Variants in EIF3B observed in about 807,000 individuals in gnomAD.
EIF3B encodes the protein eukaryotic translation initiation factor 3 subunit 9.
A neutral mutation model predicts 104.6 loss-of-function variants in EIF3B; 10 were observed. The observed-to-expected ratio is 0.10, with a 90% CI of 0.06 to 0.16. The LOEUF (loss-of-function observed/expected upper bound fraction) is 0.16, where lower values mean the gene tolerates loss of function less well. Ranked by LOEUF, EIF3B falls within the 10% of genes least tolerant of loss-of-function variation. The pLI, the probability that EIF3B is intolerant of heterozygous loss-of-function variation, is 1.00. For missense variants in EIF3B, 1,014 were observed against 1,087.9 expected (o/e 0.93, Z 0.96); for synonymous variants, 542 against 417.2 (o/e 1.30, Z -3.65).
At chr7:2,375,667 T>C (rs895958512) in intron 14 of EIF3B, 140 bp downstream of exon 14, 4 of 1,279,672 alleles carry the variant, frequency 3.1e-6, no homozygotes, top group African/African-American at 1.5e-5. Context: ...CTGGTGTTAG[T>C]GGCAGGAGGA....
At chr7:2,365,109 CAT>C (rs1444130725) in intron 6 of EIF3B, among the ~76,000 whole-genome samples, 2 of 152,244 alleles carry the variant, frequency 1.3e-5, no homozygotes, top group African/African-American at 4.8e-5. Flanking sequence ...CACGCCATGA[CAT>C]ATGGCTAATT....
chr7:2,366,243 G>A, intron 6 of EIF3B, 74 bp from the exon 7 acceptor site: 1 of 1,483,572 alleles, frequency 6.7e-7, no homozygotes, highest in South Asian at 1.4e-5. Flanking sequence ...CTGACGGCGT[G>A]TTCTGGCCGC....
At position 2,380,359 on chromosome 7, in the gene EIF3B, C is replaced by A. The variant is rs530959610; in HGVS notation, c.*170C>A. ...CGCCTCCTCCCTGTGCTCTCTGGCT[C>A]TGGACTGTGACTGCGCCTGGATTCT... On this transcript the variant is annotated 3_prime_UTR_variant, in exon 19 of 19. Coordinates refer to ENST00000360876, the MANE Select transcript of EIF3B (RefSeq NM_001037283.2). 1 of 518,900 alleles carries A rather than the reference C, an allele frequency of 1.9e-6. No individual in the cohort carries two copies. The highest frequency in any genetic ancestry group is 1.4e-5 in the South Asian group (1 of 71,570). The allele number at this position is 518,900 out of a possible 1,614,324, so 32.1% of individuals were successfully genotyped here.
rs1478570475 is a variant in EIF3B at position 2,355,084 on chromosome 7, G to C, written c.163G>C (p.Val55Leu). The change falls in exon 1 of 19, where the codon GTG becomes CTG. Residue 55 changes from valine (V) to leucine (L), a missense_variant. Coordinates refer to ENST00000360876, the MANE Select transcript of EIF3B (RefSeq NM_001037283.2). ...AAGTEASSEE[V>L]GIAEAGPESE... ...GGGGACCGAGGCCTCCAGTGAGGAG[G>C]TGGGGATCGCGGAGGCCGGGCCGGA... 1 of 1,330,358 alleles carries C rather than the reference G, an allele frequency of 7.5e-7. No homozygotes were observed. The allele number at this position is 1,330,358 out of a possible 1,614,324, so 82.4% of individuals were successfully genotyped here. A position where few individuals can be genotyped will look rare whatever the true frequency, so the allele number is the denominator to read the frequency against.
At chr7:2,379,363 C>T (rs371370858) in intron 17 of EIF3B, 31 bp from the exon 18 acceptor site, 30 of 1,563,874 alleles carry the variant, frequency 1.9e-5, no homozygotes, top group Non-Finnish European at 2.5e-5. Flanking sequence ...CATGTGCCCC[C>T]ATGGGTGATC....
Position 2,380,287 on chromosome 7 carries a change from T to C in EIF3B, c.*98T>C, listed in dbSNP as rs1228404400. ...CGGTTCCTCTGTTGCAGCGCAGCCGTGTGTGCTGTGGAGCCGAGGCCGTCC... is the reference window on the plus strand; with the variant it reads ...CGGTTCCTCTGTTGCAGCGCAGCCGCGTGTGCTGTGGAGCCGAGGCCGTCC... On this transcript the variant is annotated 3_prime_UTR_variant, in exon 19 of 19. Coordinates refer to ENST00000360876, the MANE Select transcript of EIF3B (RefSeq NM_001037283.2). 5 of 512,154 alleles carry C rather than the reference T, an allele frequency of 9.8e-6. No individual in the cohort carries two copies. Among genetic ancestry groups the C allele is most frequent in the South Asian group, 7.1e-5 (5 of 70,430 alleles). 31.7% of individuals were successfully genotyped at this position (512,154 alleles called of 1,614,324 possible). A position where few individuals can be genotyped will look rare whatever the true frequency, so the allele number is the denominator to read the frequency against.
At chr7:2,356,895 A>C (rs1779476795) in intron 1 of EIF3B, among the ~76,000 whole-genome samples, 1 of 152,162 alleles carries the variant, frequency 6.6e-6, no homozygotes, top group Non-Finnish European at 1.5e-5. Flanking sequence ...AAAAGCAGGA[A>C]GGACACCACA....
At chr7:2,370,496 T>C (rs1163421710) in intron 10 of EIF3B, among the ~76,000 whole-genome samples, 1 of 152,018 alleles carries the variant, frequency 6.6e-6, no homozygotes, top group Non-Finnish European at 1.5e-5. Flanking sequence ...AAAAAGAAAT[T>C]CCTGAGTTTT....
At chr7:2,367,824 AATTTT>A (rs1780110359) in intron 9 of EIF3B, among the ~76,000 whole-genome samples, 10 of 101,758 alleles carry the variant, frequency 9.8e-5, no homozygotes, top group African/African-American at 4.1e-4. Context: ...CTTTTTTTAA[AATTTT>A]TTTTTTTTTT....
chr7:2,354,248 C>G (rs1446229369), upstream of EIF3B: 1 of 152,286 alleles, frequency 6.6e-6, no homozygotes, highest in Non-Finnish European at 1.5e-5. Context: ...AGGCAGTCGT[C>G]CTTCTAGTCG....
At chr7:2,354,569 G>A (rs1339712889), upstream of EIF3B, among the ~76,000 whole-genome samples, 1 of 152,170 alleles carries the variant, frequency 6.6e-6, no homozygotes, top group African/African-American at 2.4e-5. Context: ...GACGGGAAAG[G>A]AAAGGGGGAG....
In EIF3B at chr7:2,376,556, C is replaced by T. The variant is rs376817927; in HGVS notation, c.2029-394C>T. ...CACAGGGCTCCGCACAGCTCACACC[C>T]GGCCCAGGGCTCAGCAGTGAGTAGT... On this transcript the variant is annotated intron_variant, in intron 14 of 18. Coordinates refer to ENST00000360876, the MANE Select transcript of EIF3B (RefSeq NM_001037283.2). The T allele has an allele frequency of 2.0e-4, 34 of 169,472 alleles. 1 individual carries two copies. Among genetic ancestry groups the T allele is most frequent in the East Asian group, 1.2e-3 (7 of 5,670 alleles). The allele number at this position is 169,472 out of a possible 1,614,324, so 10.5% of individuals were successfully genotyped here.
chr7:2,368,766 G>T (rs888395711), intron 9 of EIF3B, among the ~76,000 whole-genome samples: 5 of 152,226 alleles, frequency 3.3e-5, no homozygotes, highest in African/African-American at 1.2e-4. Flanking sequence ...GCAAAGAATG[G>T]GCACGTTTTT....
rs1188843816 is a variant in EIF3B at position 2,355,368 on chromosome 7, C to G, written c.447C>G (p.Asp149Glu). The change falls in exon 1 of 19, where the codon GAC (aspartate) becomes GAG (glutamate). Residue 149 changes from aspartate to glutamate, a missense_variant. Physicochemically the swap from Asp to Glu is conservative, Grantham distance 45. Transcript: ENST00000360876. ...EPRALENGDA[D>E]EPSFSDPEDF... Reference sequence around the variant, plus strand: ...GGGCGCTGGAGAACGGCGACGCGGACGAGCCCTCCTTCAGCGACCCCGAGG... The same window carrying G: ...GGGCGCTGGAGAACGGCGACGCGGAGGAGCCCTCCTTCAGCGACCCCGAGG... 1.3e-6 allele frequency: 2 copies of G among 1,536,036 alleles called. No individual in the cohort carries two copies. The highest frequency in any genetic ancestry group is 1.7e-6 in the Non-Finnish European group (2 of 1,147,752).
At chr7:2,360,211 G>C (rs535661284) in intron 1 of EIF3B, among the ~76,000 whole-genome samples, 5 of 152,258 alleles carry the variant, frequency 3.3e-5, no homozygotes, top group African/African-American at 1.2e-4. Flanking sequence ...CTGGTAATTT[G>C]TATTCACAGC....
At chr7:2,371,241 G>A (rs112466441) in intron 10 of EIF3B, among the ~76,000 whole-genome samples, 14 of 152,348 alleles carry the variant, frequency 9.2e-5, no homozygotes, top group African/African-American at 2.2e-4. Flanking sequence ...GGAGCACAGC[G>A]TTCCCACAGC....
In EIF3B at chr7:2,378,824, C is replaced by T. The variant is rs1187071750; in HGVS notation, c.2232+58C>T. 1.4e-5 allele frequency: 20 copies of T among 1,443,516 alleles called. 1 individual carries two copies. Among genetic ancestry groups the T allele is most frequent in the African/African-American group, 2.8e-5 (2 of 71,394 alleles). The allele number at this position is 1,443,516 out of a possible 1,614,324, so 89.4% of individuals were successfully genotyped here. Reference sequence around the variant, plus strand: ...GTGACATCCGCCATCATGGCAAAGGCGGGGCTGCGGGGAGCTGCTGTGTAT... The same window carrying T: ...GTGACATCCGCCATCATGGCAAAGGTGGGGCTGCGGGGAGCTGCTGTGTAT... On this transcript the variant is annotated intron_variant, in intron 16 of 18. Transcript: ENST00000360876.
chr7:2,375,751 G>T (rs1416059093), intron 14 of EIF3B, among the ~76,000 whole-genome samples: 1 of 152,190 alleles, frequency 6.6e-6, no homozygotes, highest in Non-Finnish European at 1.5e-5. Flanking sequence ...GGGGAGGTGG[G>T]GGGTCTTACC....
intron 2 of EIF3B, 120 bp downstream of exon 2, chr7:2,361,022 T>G (rs542076302): frequency 2.8e-6 from 2 of 710,776 alleles, no homozygotes; most frequent in Non-Finnish European, 2.3e-6. Flanking sequence ...GCCGTTCACT[T>G]CTTCAGGCCG....
Sources: allele counts gnomAD v4.1 joint callset (sites outside exome capture counted in the v4.1 genomes callset), GRCh38; gene constraint gnomAD v4.1.1; transcripts MANE v1.5; gene names NCBI Gene and HGNC (gene_info 2026-07-23, HGNC 2026-07-21).